Variants in TTLL11 observed in about 807,000 individuals in gnomAD.
TTLL11 encodes the protein tubulin polyglutamylase TTLL11.
In TTLL11, 42 loss-of-function variants were observed where a neutral mutation model predicts 51.7. That is an observed-to-expected ratio of 0.81 (90% CI 0.64 to 1.05). The LOEUF (loss-of-function observed/expected upper bound fraction) is 1.05. TTLL11 is among the 50% of genes least tolerant of loss of function. The probability of loss-of-function intolerance (pLI) is 0.00; values close to 1 mark genes in which losing one functional copy is unlikely to be tolerated. For synonymous variants in TTLL11, 381 were observed against 383.5 expected, an observed-to-expected ratio of 0.99 and a Z score of 0.08; for missense variants, 799 against 940.4, an observed-to-expected ratio of 0.85 and a Z score of 1.97.
chr9:122,040,641 G>A (rs1844823614), intron 1 of TTLL11, among the ~76,000 whole-genome samples: 1 of 152,036 alleles, frequency 6.6e-6, no homozygotes, highest in Admixed American at 6.5e-5. Flanking sequence ...AAGTTGAGGG[G>A]CCAAGGTCCA....
At chr9:121,936,661 G>T (rs1841235836) in intron 6 of TTLL11, among the ~76,000 whole-genome samples, 1 of 152,154 alleles carries the variant, frequency 6.6e-6, no homozygotes, top group Non-Finnish European at 1.5e-5. Flanking sequence ...GCTCGTGCTA[G>T]AAACTTGGAA....
intron 3 of TTLL11, among the ~76,000 whole-genome samples, chr9:122,030,905 C>T (rs1332821929): frequency 1.3e-5 from 2 of 152,116 alleles, no homozygotes; most frequent in Non-Finnish European, 2.9e-5. Flanking sequence ...CTCACGACTG[C>T]ACTCTGGCCT....
intron 8 of TTLL11, 32 bp downstream of exon 8, chr9:121,860,305 C>A: frequency 6.6e-7 from 1 of 1,511,146 alleles, no homozygotes; most frequent in Non-Finnish European, 9.0e-7. Flanking sequence ...TCAGGACCCC[C>A]ACAGGCCATG....
At chr9:121,875,395 T>C (rs1033770083) in intron 6 of TTLL11, among the ~76,000 whole-genome samples, 11 of 152,196 alleles carry the variant, frequency 7.2e-5, no homozygotes, top group Non-Finnish European at 1.6e-4. Context: ...AGTCTGTTTT[T>C]TCTTCTAGCG....
rs775634200 is a variant in TTLL11, at chr9:121,890,356, C to T, written c.1482-19608G>A. ...GTCAGCTCATCATGGGTCACCTGAA[C>T]TTCAACAGCCTCTTCACCAGTTTCC... is the stretch of plus-strand genomic sequence containing the variant. On this transcript the variant is annotated intron_variant, in intron 6 of 8. Transcript: ENST00000321582. This position sits in a 1 kb window ranked among gnomAD's most constrained non-coding sequence, Gnocchi z 4.3. Among the ~76,000 whole-genome samples the T allele has an allele frequency of 6.6e-5, 10 of 152,336 alleles. No individual in the cohort carries two copies.
chr9:122,049,822 G>A (rs1845110958), intron 1 of TTLL11, among the ~76,000 whole-genome samples: 1 of 152,132 alleles, frequency 6.6e-6, no homozygotes, highest in African/African-American at 2.4e-5. Context: ...TCACATTTCT[G>A]TACTTTGTGA....
intron 1 of TTLL11, among the ~76,000 whole-genome samples, chr9:122,040,669 TA>T (rs111341641): frequency 0.043 from 6,576 of 152,310 alleles, 175 homozygotes; most frequent in African/African-American, 0.074. Context: ...AACATAGCCT[TA>T]CTAATGAAAT....
At chr9:122,070,384 G>A (rs988600529) in intron 1 of TTLL11, among the ~76,000 whole-genome samples, 1 of 152,144 alleles carries the variant, frequency 6.6e-6, no homozygotes, top group African/African-American at 2.4e-5. Flanking sequence ...GCAGGGGTGA[G>A]GCTGGCTAGG....
At chr9:122,044,120 G>A (rs1265847942) in intron 1 of TTLL11, among the ~76,000 whole-genome samples, 1 of 151,806 alleles carries the variant, frequency 6.6e-6, no homozygotes, top group Non-Finnish European at 1.5e-5. Context: ...TTGGTTTTTT[G>A]TCCTTGCGAT....
intron 8 of TTLL11, among the ~76,000 whole-genome samples, chr9:121,857,938 G>A (rs1837878991): frequency 6.6e-6 from 1 of 152,236 alleles, no homozygotes; most frequent in South Asian, 2.1e-4. Context: ...TAATTCCACT[G>A]CCACTCCCAC....
At chr9:121,986,850 A>G (rs2131686170) in intron 4 of TTLL11, among the ~76,000 whole-genome samples, 1 of 152,058 alleles carries the variant, frequency 6.6e-6, no homozygotes, top group East Asian at 2.0e-4. Context: ...GAGACCTGTC[A>G]CCTGCTTGCC....
intron 8 of TTLL11, among the ~76,000 whole-genome samples, chr9:121,837,676 CCT>C (rs149221583): frequency 6.6e-6 from 1 of 152,050 alleles, no homozygotes; most frequent in East Asian, 1.9e-4. Flanking sequence ...CTGTCACTAT[CCT>C]CTCTCTCTCT....
intron 3 of TTLL11, among the ~76,000 whole-genome samples, chr9:122,027,238 T>C (rs1315420418): frequency 6.6e-6 from 1 of 152,084 alleles, no homozygotes; most frequent in Non-Finnish European, 1.5e-5. Context: ...AGGGGGGAAA[T>C]CTGTCCCCAT....
At chr9:122,044,751 T>C (rs1300656693) in intron 1 of TTLL11, among the ~76,000 whole-genome samples, 1 of 152,206 alleles carries the variant, frequency 6.6e-6, no homozygotes, top group East Asian at 1.9e-4. Flanking sequence ...TTTAACATCA[T>C]TAATCATTTA....
intron 4 of TTLL11, among the ~76,000 whole-genome samples, chr9:121,979,419 A>C (rs1842782087): frequency 6.6e-6 from 1 of 152,206 alleles, no homozygotes; most frequent in African/African-American, 2.4e-5. Flanking sequence ...TAAGCTGTTA[A>C]GGTTTGGGGT....
rs529873042 is a variant in TTLL11 at position 122,093,280 on chromosome 9, C to A, written c.-132G>T. 1.5e-5 allele frequency: 23 copies of A among 1,557,806 alleles called. 1 individual carries two copies. The South Asian group carries it at 2.7e-4, about 18-fold the overall frequency. ...CCCCGCCCGAGCCCGTTGCCATGAT[C>A]GCTCAGGCTCGGGTTGACAGCGGCA... On this transcript the variant is annotated 5_prime_UTR_variant, in exon 1 of 9. Coordinates refer to ENST00000321582, the MANE Select transcript of TTLL11 (RefSeq NM_001139442.2).
chr9:122,013,940 G>T (rs1843890678), intron 3 of TTLL11, among the ~76,000 whole-genome samples: 1 of 152,222 alleles, frequency 6.6e-6, no homozygotes, highest in South Asian at 2.1e-4. Flanking sequence ...CAAAAAATTA[G>T]AAGAAAGGGA....
chr9:122,033,503 G>C (rs1844617896), intron 2 of TTLL11, among the ~76,000 whole-genome samples: 3 of 152,140 alleles, frequency 2.0e-5, no homozygotes, highest in Admixed American at 2.0e-4. Flanking sequence ...TTCCATTACT[G>C]ATACTAGAAA....
At chr9:121,826,291 T>G (rs1836766083) in intron 8 of TTLL11, among the ~76,000 whole-genome samples, 1 of 108,284 alleles carries the variant, frequency 9.2e-6, no homozygotes, top group Non-Finnish European at 1.8e-5. Flanking sequence ...TATGAGTGTG[T>G]GGGTGTATAT....
Sources: allele counts gnomAD v4.1 joint callset (sites outside exome capture counted in the v4.1 genomes callset), GRCh38; gene constraint gnomAD v4.1.1; non-coding constraint Gnocchi (gnomAD v3.1); transcripts MANE v1.5; gene names NCBI Gene and HGNC (gene_info 2026-07-23, HGNC 2026-07-21).